Variants in PRR5L observed in about 807,000 individuals in gnomAD.
PRR5L encodes proline rich 5 like, also known as proline-rich protein 5-like.
PRR5L carries 21 observed loss-of-function variants against 36.4 expected under a neutral mutation model. The ratio of observed to expected loss-of-function variants is 0.58; its 90% confidence interval spans 0.41 to 0.83. The LOEUF (loss-of-function observed/expected upper bound fraction) is 0.83. Ranked by LOEUF, PRR5L falls within the 40% of genes least tolerant of loss-of-function variation. PRR5L has a pLI of 0.00. For synonymous variants in PRR5L, 188 were observed against 197.0 expected (o/e 0.95, Z 0.38); for missense variants, 381 against 473.3 (o/e 0.80, Z 1.81).
chr11:36,389,585 T>A (rs1051982532), intron 1 of PRR5L, among the ~76,000 whole-genome samples: 1 of 150,918 alleles, frequency 6.6e-6, no homozygotes, highest in Non-Finnish European at 1.5e-5. Flanking sequence ...TTCAGTACCA[T>A]GGTGTTTACC....
At chr11:36,425,047 C>T (rs990414838) in intron 4 of PRR5L, among the ~76,000 whole-genome samples, 4 of 152,168 alleles carry the variant, frequency 2.6e-5, no homozygotes, top group Admixed American at 6.5e-5. Context: ...GTCTCGAACT[C>T]CTGACCTCAG....
chr11:36,379,598 A>C (rs1857334724), intron 1 of PRR5L: 2 of 152,228 alleles, frequency 1.3e-5, no homozygotes, highest in South Asian at 4.1e-4. Context: ...TAGGAATAAA[A>C]TATTTTGTGG....
chr11:36,307,956 A>G (rs1444724912), intron 1 of PRR5L, among the ~76,000 whole-genome samples: 1 of 152,178 alleles, frequency 6.6e-6, no homozygotes, highest in Non-Finnish European at 1.5e-5. Context: ...TTTCCCCCAC[A>G]GGCACACTGT....
intron 3 of PRR5L, among the ~76,000 whole-genome samples, chr11:36,409,742 G>A (rs1413624033): frequency 1.3e-5 from 2 of 152,184 alleles, no homozygotes; most frequent in African/African-American, 2.4e-5. Context: ...CAGGTTCCAA[G>A]TGCTTCATAT....
intron 1 of PRR5L, among the ~76,000 whole-genome samples, chr11:36,316,036 T>C (rs779129365): frequency 6.6e-6 from 1 of 152,142 alleles, no homozygotes; most frequent in Non-Finnish European, 1.5e-5. Flanking sequence ...CATGACAAAA[T>C]CAACCTCCTC....
rs528514778 is a variant in PRR5L at position 36,300,571 on chromosome 11, G to A, written c.-126+4133G>A. On this transcript the variant is annotated intron_variant, in intron 1 of 8. Coordinates refer to ENST00000530639, the MANE Select transcript of PRR5L (RefSeq NM_001160167.2). ...CTGAGAATTTTATTCAAGGCAGAAGGGGCCATATCATCTCACCTTCTAGCT... is the reference window on the plus strand; with the variant it reads ...CTGAGAATTTTATTCAAGGCAGAAGAGGCCATATCATCTCACCTTCTAGCT... 6.5e-3 allele frequency among the ~76,000 whole-genome samples: 867 copies of A among 133,820 alleles called. 10 individuals carry two copies. The highest frequency in any genetic ancestry group is 0.021 in the African/African-American group (850 of 40,058). 87.8% of individuals were successfully genotyped at this position (133,820 alleles called of 152,430 possible). A position where few individuals can be genotyped will look rare whatever the true frequency, so the allele number is the denominator to read the frequency against.
At chr11:36,420,834 AACACACACACACACAC>A (rs58639707) in intron 4 of PRR5L, among the ~76,000 whole-genome samples, 9,960 of 139,370 alleles carry the variant, frequency 0.071, 324 homozygotes, top group Non-Finnish European at 0.079. Context: ...CAGTTGTTTA[AACACACACACACACAC>A]ACACACACAC....
At chr11:36,432,898 C>T (rs898958444) in intron 5 of PRR5L, among the ~76,000 whole-genome samples, 2 of 152,068 alleles carry the variant, frequency 1.3e-5, no homozygotes, top group Admixed American at 6.6e-5. Context: ...GAGAAACTGA[C>T]GCTGGAAAGT....
intron 1 of PRR5L, among the ~76,000 whole-genome samples, chr11:36,351,537 A>ATTTTTATATATT (rs1491218588): frequency 2.6e-4 from 1 of 3,836 alleles, no homozygotes; most frequent in African/African-American, 1.1e-3. Flanking sequence ...ATTTATATAA[A>ATTTTTATATATT]TATATATTTA....
rs141581087 is a variant in PRR5L, at chr11:36,459,118, C to A, written c.713-3224C>A. On this transcript the variant is annotated intron_variant, in intron 8 of 8. Coordinates refer to ENST00000530639, the MANE Select transcript of PRR5L (RefSeq NM_001160167.2). ...ATGGCCGTGCCTTCAAATTTACTCTCTCCCAGGCCAGACCGGTTGCAGTGG... is the reference window on the plus strand; with the variant it reads ...ATGGCCGTGCCTTCAAATTTACTCTATCCCAGGCCAGACCGGTTGCAGTGG... Among the ~76,000 whole-genome samples, 293 of 152,326 alleles carry A rather than the reference C, an allele frequency of 1.9e-3. 2 individuals are homozygous for A. The highest frequency in any genetic ancestry group is 6.7e-3 in the African/African-American group (277 of 41,576).
rs189822331 is a variant in PRR5L, at chr11:36,357,096, G to C, written c.-125-43901G>C. On this transcript the variant is annotated intron_variant, in intron 1 of 8. Transcript: ENST00000530639. ...TAAGAAGCAAAACAGCCTTATTATT[G>C]ATATGGAGAAAATGTTAGTGGTTTG... Among the ~76,000 whole-genome samples, 98 of 152,288 alleles carry C rather than the reference G, an allele frequency of 6.4e-4. 1 individual carries two copies. The highest frequency in any genetic ancestry group is 2.2e-3 in the African/African-American group (91 of 41,564).
chr11:36,329,650 A>G (rs1388199550), intron 1 of PRR5L, among the ~76,000 whole-genome samples: 1 of 152,250 alleles, frequency 6.6e-6, no homozygotes, highest in Non-Finnish European at 1.5e-5. Context: ...AAAAATGGTA[A>G]TTGACCATAC....
chr11:36,350,444 G>T (rs1856917481), intron 1 of PRR5L, among the ~76,000 whole-genome samples: 3 of 151,992 alleles, frequency 2.0e-5, no homozygotes, highest in Admixed American at 6.6e-5. Flanking sequence ...TAAAGATAAA[G>T]CTTGACTTGG....
intron 1 of PRR5L, chr11:36,394,102 T>G (rs926735001): frequency 2.0e-5 from 3 of 152,242 alleles, no homozygotes; most frequent in African/African-American, 4.8e-5. Context: ...GTAGTACTAA[T>G]GGAGGCAATA....
intron 1 of PRR5L, among the ~76,000 whole-genome samples, chr11:36,313,954 T>G (rs1315162102): frequency 6.6e-6 from 1 of 152,204 alleles, no homozygotes; most frequent in East Asian, 1.9e-4. Context: ...GTCCCAGCAG[T>G]GCTCTTATTA....
intron 7 of PRR5L, among the ~76,000 whole-genome samples, chr11:36,450,146 C>G (rs1858914139): frequency 6.6e-6 from 1 of 152,204 alleles, no homozygotes; most frequent in Non-Finnish European, 1.5e-5. Context: ...CAGCTTACAT[C>G]TCCCCCTGGG....
intron 8 of PRR5L, among the ~76,000 whole-genome samples, chr11:36,460,448 G>A (rs569742960): frequency 2.6e-5 from 4 of 151,592 alleles, no homozygotes; most frequent in East Asian, 1.9e-4. Context: ...TCCCTGCCCC[G>A]CTCCCATGAT....
At chr11:36,410,589 A>G (rs951324366) in intron 3 of PRR5L, among the ~76,000 whole-genome samples, 2 of 152,214 alleles carry the variant, frequency 1.3e-5, no homozygotes, top group South Asian at 2.1e-4. Context: ...ACTGCCGAGC[A>G]TAGTGTGCCA....
At chr11:36,394,945 G>A (rs1234906794) in intron 1 of PRR5L, among the ~76,000 whole-genome samples, 1 of 152,160 alleles carries the variant, frequency 6.6e-6, no homozygotes, top group African/African-American at 2.4e-5. Context: ...CCAGAGCTCT[G>A]AGTGATACAC....
Sources: allele counts gnomAD v4.1 joint callset (sites outside exome capture counted in the v4.1 genomes callset), GRCh38; gene constraint gnomAD v4.1.1; transcripts MANE v1.5; gene names NCBI Gene and HGNC (gene_info 2026-07-23, HGNC 2026-07-21).